The following RIMS2 variants were observed in gnomAD, a reference collection of about 807,000 sequenced individuals.
RIMS2 encodes the protein regulating synaptic membrane exocytosis protein 2.
A neutral mutation model predicts 174.4 loss-of-function variants in RIMS2; 59 were observed. That is an observed-to-expected ratio of 0.34 (90% CI 0.27 to 0.42). RIMS2 has a LOEUF of 0.42. Ranked by LOEUF, RIMS2 falls within the 10% of genes least tolerant of loss-of-function variation. The pLI, the probability that RIMS2 is intolerant of heterozygous loss-of-function variation, is 1.00. For synonymous variants in RIMS2, 606 were observed against 572.5 expected, an observed-to-expected ratio of 1.06 and a Z score of -0.84; for missense variants, 1,620 against 1,666.3, an observed-to-expected ratio of 0.97 and a Z score of 0.48.
At chr8:104,138,368 G>A (rs76029676) in intron 19 of RIMS2, among the ~76,000 whole-genome samples, 3,469 of 152,220 alleles carry the variant, frequency 0.023, 133 homozygotes, top group African/African-American at 0.079. Flanking sequence ...CTTCATAGTA[G>A]TTGTACTAAT....
chr8:103,692,010 A>G (rs2097032219), intron 1 of RIMS2, among the ~76,000 whole-genome samples: 2 of 151,536 alleles, frequency 1.3e-5, no homozygotes, highest in Admixed American at 1.3e-4. Flanking sequence ...CTAGGCAGAG[A>G]CTCTTGTTCT....
chr8:103,751,681 A>G (rs897230529), intron 2 of RIMS2, among the ~76,000 whole-genome samples: 2 of 151,216 alleles, frequency 1.3e-5, no homozygotes, highest in South Asian at 2.1e-4. Flanking sequence ...TTTGATTTGC[A>G]TTTCTCTGAT....
intron 1 of RIMS2, among the ~76,000 whole-genome samples, chr8:103,669,006 AGTTT>A: frequency 6.6e-6 from 1 of 152,094 alleles, no homozygotes; most frequent in East Asian, 1.9e-4. Context: ...GGATTATCAT[AGTTT>A]GTTAGTCTGT....
chr8:103,916,803 G>C (rs1337809623), intron 8 of RIMS2, among the ~76,000 whole-genome samples: 1 of 151,984 alleles, frequency 6.6e-6, no homozygotes, highest in Non-Finnish European at 1.5e-5. Context: ...TTTAGAAGGT[G>C]GTTATAGGAT....
chr8:103,570,253 G>C (rs1323701984), intron 1 of RIMS2, among the ~76,000 whole-genome samples: 1 of 152,076 alleles, frequency 6.6e-6, no homozygotes, highest in Non-Finnish European at 1.5e-5. Flanking sequence ...TTGATTTTCA[G>C]TACTGATGTT....
chr8:104,162,215 A>C (rs935484348), intron 19 of RIMS2, among the ~76,000 whole-genome samples: 1 of 152,212 alleles, frequency 6.6e-6, no homozygotes, highest in Non-Finnish European at 1.5e-5. Flanking sequence ...AAGGAAATTC[A>C]AGAAATACTG....
At chr8:103,769,615 C>T (rs539631982) in intron 3 of RIMS2, among the ~76,000 whole-genome samples, 3 of 152,144 alleles carry the variant, frequency 2.0e-5, no homozygotes, top group African/African-American at 4.8e-5. Context: ...CGTGAGCCAC[C>T]GTGCCCGGTT....
intron 13 of RIMS2, among the ~76,000 whole-genome samples, chr8:103,939,397 C>A (rs1242752556): frequency 1.3e-5 from 2 of 152,196 alleles, no homozygotes; most frequent in Admixed American, 1.3e-4. Context: ...CTTGTCACAG[C>A]TGGAGCAACT....
At chr8:103,989,397 A>G (rs2094549349) in exon 17 of RIMS2, 2 of 1,598,930 alleles carry the variant, frequency 1.3e-6, no homozygotes, top group African/African-American at 2.7e-5. Flanking sequence ...GTCATGGATG[A>G]CCATTATTCT....
Position 103,858,250 on chromosome 8 carries a change from C to T in RIMS2, c.699-27048C>T, listed in dbSNP as rs530416603. 6.6e-5 allele frequency among the ~76,000 whole-genome samples: 10 copies of T among 152,198 alleles called. No homozygotes were observed. In the South Asian group the frequency reaches 1.0e-3, roughly 16 times the overall value. ...ATTGGCCTGGCATCTCCTTAGAATA[C>T]GTTTTTGGACACAGTGAATACTGTT... On this transcript the variant is annotated intron_variant, in intron 3 of 23. Transcript: ENST00000504942.
rs554741329 is a variant in RIMS2, at chr8:103,760,246, T to G, written c.388-5981T>G. The stretch of plus-strand genomic sequence containing the variant: ...TTAATGAAGACCCATCAGACATTCC[T>G]GCTTCAGCCTGTAAGTGTGACTATT... On this transcript the variant is annotated intron_variant, in intron 2 of 23. Coordinates refer to ENST00000504942, the Ensembl canonical transcript of RIMS2. 8.5e-5 allele frequency among the ~76,000 whole-genome samples: 13 copies of G among 152,340 alleles called. No individual in the cohort carries two copies. In the South Asian group the frequency reaches 2.7e-3, roughly 32 times the overall value.
At position 103,728,118 on chromosome 8, in the gene RIMS2, A is replaced by C. The variant is rs1258091891; in HGVS notation, c.387+30822A>C. ...GTGTGTGTTCTCTTCAATTTCCTCC[A>C]TTAATGTTTTATAGTTTTTGTTCTA... On this transcript the variant is annotated intron_variant, in intron 2 of 23. Coordinates refer to ENST00000504942, the Ensembl canonical transcript of RIMS2. Among the ~76,000 whole-genome samples the C allele has an allele frequency of 2.0e-5, 3 of 152,052 alleles. No individual in the cohort carries two copies. The East Asian group carries it at 5.8e-4, about 29-fold the overall frequency.
chr8:104,116,454 C>G (rs574194142), intron 19 of RIMS2, among the ~76,000 whole-genome samples: 2 of 151,850 alleles, frequency 1.3e-5, no homozygotes, highest in Non-Finnish European at 2.9e-5. Flanking sequence ...ATATGACCAC[C>G]TAGATTAAGG....
At chr8:103,863,361 G>A (rs910525136) in intron 3 of RIMS2, among the ~76,000 whole-genome samples, 1 of 151,986 alleles carries the variant, frequency 6.6e-6, no homozygotes, top group Non-Finnish European at 1.5e-5. Context: ...CTAGTATTTT[G>A]TTGAAGATTT....
chr8:103,853,798 G>A (rs1446651635), intron 3 of RIMS2, among the ~76,000 whole-genome samples: 3 of 152,112 alleles, frequency 2.0e-5, no homozygotes, highest in African/African-American at 7.2e-5. Context: ...TTATTGCATA[G>A]TTTGAAGTCA....
chr8:104,174,990 A>G (rs1189488854), intron 19 of RIMS2, among the ~76,000 whole-genome samples: 1 of 152,240 alleles, frequency 6.6e-6, no homozygotes, highest in African/African-American at 2.4e-5. Flanking sequence ...AAGCCAAAAT[A>G]GTGAATTTGT....
chr8:104,194,490 A>C (rs1357628072), intron 19 of RIMS2, among the ~76,000 whole-genome samples: 3 of 152,206 alleles, frequency 2.0e-5, no homozygotes, highest in Non-Finnish European at 4.4e-5. Flanking sequence ...CTTTAGATAT[A>C]GGGTGGGGAC....
intron 1 of RIMS2, among the ~76,000 whole-genome samples, chr8:103,647,336 A>G (rs920110377): frequency 2.0e-5 from 3 of 150,654 alleles, no homozygotes; most frequent in African/African-American, 5.0e-5. Flanking sequence ...TTTGGTATCA[A>G]TGTGATATTT....
chr8:103,569,116 C>A, intron 1 of RIMS2: 1 of 294,192 alleles, frequency 3.4e-6, no homozygotes, highest in Non-Finnish European at 6.3e-6. Flanking sequence ...TTACCTAACC[C>A]AAGGTCATGA....
Sources: gnomAD v4.1 joint callset for allele counts (sites outside exome capture counted in the v4.1 genomes callset) on GRCh38, gnomAD v4.1.1 for gene constraint, MANE v1.5 for transcripts, NCBI Gene and HGNC (gene_info 2026-07-23, HGNC 2026-07-21) for gene names.